Variants in PRH1 observed in about 807,000 individuals in gnomAD.
PRH1 encodes salivary acidic proline-rich phosphoprotein 1/2.
Under a neutral mutation model 7.9 loss-of-function variants are expected in PRH1, and 7 were observed. That is an observed-to-expected ratio of 0.89 (90% CI 0.50 to 1.67). The LOEUF (loss-of-function observed/expected upper bound fraction) is 1.67. PRH1 is among the 40% of genes most tolerant of loss of function. The pLI is 0.00. For missense variants in PRH1, 109 were observed against 223.6 expected (o/e 0.49, Z 3.27); for synonymous variants, 45 against 80.8 (o/e 0.56, Z 2.38).
intron 2 of PRH1, chr12:10,930,451 T>G: frequency 2.7e-6 from 4 of 1,458,114 alleles, no homozygotes; most frequent in Non-Finnish European, 3.7e-6. Flanking sequence ...CAACCTTGAT[T>G]CTGGGGACCA....
intron 1 of PRH1, among the ~76,000 whole-genome samples, chr12:10,984,187 T>C (rs1479131247): frequency 6.6e-6 from 1 of 152,280 alleles, no homozygotes; most frequent in East Asian, 1.9e-4. Context: ...TATGCAAAGA[T>C]ACCAAAATCT....
intron 2 of PRH1, among the ~76,000 whole-genome samples, chr12:10,890,385 G>GTGTGTGTGTGTGTGTGTT (rs1333715175): frequency 6.7e-6 from 1 of 148,946 alleles, no homozygotes; most frequent in African/African-American, 2.5e-5. Flanking sequence ...CCTAACTTTG[G>GTGTGTGTGTGTGTGTGTT]TGTGTGTGTG....
At chr12:10,907,738 C>A (rs1383696770) in intron 2 of PRH1, among the ~76,000 whole-genome samples, 2 of 150,648 alleles carry the variant, frequency 1.3e-5, no homozygotes, top group Non-Finnish European at 3.0e-5. Context: ...TGTGGACTAA[C>A]ATGTTGCATT....
chr12:11,079,345 T>C lies in PRH1; in HGVS notation n.124-32157A>G, dbSNP rs1172438191. On this transcript the variant is annotated intron_variant and non_coding_transcript_variant, in intron 1 of 4. Transcript: ENST00000541977. ...CTGGAGTTTCTTGCTCTTTTCCATT[T>C]ACCGTGAGGACATCATCTGGCCAAT... Among the ~76,000 whole-genome samples, 3 of 113,822 alleles carry C rather than the reference T, an allele frequency of 2.6e-5. 1 individual carries two copies. The highest frequency in any genetic ancestry group is 6.2e-5 in the Non-Finnish European group (3 of 48,376). The allele number at this position is 113,822 out of a possible 152,430, so 74.7% of individuals were successfully genotyped here. A position where few individuals can be genotyped will look rare whatever the true frequency, so the allele number is the denominator to read the frequency against.
intron 1 of PRH1, among the ~76,000 whole-genome samples, chr12:11,113,917 A>C (rs1945659759): frequency 6.6e-6 from 1 of 152,228 alleles, no homozygotes; most frequent in South Asian, 2.1e-4. Flanking sequence ...GAAGCTCATC[A>C]TCACTGCTCA....
rs975525439 is a variant in PRH1, at chr12:11,165,882, G to A, written n.39+5540C>T. Among the ~76,000 whole-genome samples the A allele has an allele frequency of 4.6e-5, 7 of 152,326 alleles. 1 individual carries two copies. Among genetic ancestry groups the A allele is most frequent in the Admixed American group, 4.6e-4 (7 of 15,306 alleles). On this transcript the variant is annotated intron_variant and non_coding_transcript_variant, in intron 1 of 1. Coordinates refer to the PRH1 transcript ENST00000541175. ...GAGTCCACACATGCACTATAGAGAAGGCTCTTTCTACACTTGTGTCCCTCT... is the reference window on the plus strand; with the variant it reads ...GAGTCCACACATGCACTATAGAGAAAGCTCTTTCTACACTTGTGTCCCTCT...
At chr12:11,166,858 G>A (rs971278829) in intron 1 of PRH1, among the ~76,000 whole-genome samples, 1 of 152,194 alleles carries the variant, frequency 6.6e-6, no homozygotes, top group Non-Finnish European at 1.5e-5. Context: ...GAGGCTCTAG[G>A]AAGGAATCCA....
chr12:11,143,482 T>A (rs777397496), intron 1 of PRH1, among the ~76,000 whole-genome samples: 1 of 151,772 alleles, frequency 6.6e-6, no homozygotes, highest in Non-Finnish European at 1.5e-5. Flanking sequence ...AGAAAACAGA[T>A]AACAAAATGG....
intron 2 of PRH1, among the ~76,000 whole-genome samples, chr12:10,903,569 T>G (rs1395884452): frequency 6.6e-6 from 1 of 151,768 alleles, no homozygotes; most frequent in Non-Finnish European, 1.5e-5. Context: ...ACAGCTAACA[T>G]TACACTGAAC....
intron 1 of PRH1, among the ~76,000 whole-genome samples, chr12:10,988,011 T>C (rs768607891): frequency 6.6e-6 from 1 of 152,084 alleles, no homozygotes; most frequent in Non-Finnish European, 1.5e-5. Flanking sequence ...TTTCCATTGA[T>C]CATGAGATTA....
At chr12:11,019,857 C>T (rs1414068497) in intron 1 of PRH1, among the ~76,000 whole-genome samples, 5 of 152,286 alleles carry the variant, frequency 3.3e-5, no homozygotes, top group Non-Finnish European at 7.3e-5. Context: ...TGGGAAGTTC[C>T]CTAACATTCT....
chr12:11,096,639 G>T lies in PRH1; in HGVS notation n.124-49451C>A, dbSNP rs1424502919. Among the ~76,000 whole-genome samples the T allele has an allele frequency of 3.5e-5, 4 of 115,162 alleles. 2 individuals are homozygous for T. The highest frequency in any genetic ancestry group is 8.2e-5 in the Non-Finnish European group (4 of 48,868). 75.6% of individuals were successfully genotyped at this position (115,162 alleles called of 152,430 possible). ...TGTCAATAGCTTTTTTTGGATAGTAGCTTATCTGTTGCTGGGTCATCACCA... is the reference window on the plus strand; with the variant it reads ...TGTCAATAGCTTTTTTTGGATAGTATCTTATCTGTTGCTGGGTCATCACCA... On this transcript the variant is annotated intron_variant and non_coding_transcript_variant, in intron 1 of 4. Transcript: ENST00000541977.
chr12:11,144,890 AGAG>A (rs1386198929), intron 1 of PRH1, among the ~76,000 whole-genome samples: 2 of 152,226 alleles, frequency 1.3e-5, no homozygotes, highest in African/African-American at 2.4e-5. Flanking sequence ...TGTGTTCAGA[AGAG>A]GAGGGTCTCC....
At chr12:10,918,886 G>A (rs140866835) in intron 2 of PRH1, among the ~76,000 whole-genome samples, 106 of 151,924 alleles carry the variant, frequency 7.0e-4, no homozygotes, top group African/African-American at 2.3e-3. Flanking sequence ...TTTTTCTACT[G>A]TTTATATTGC....
At chr12:10,920,695 A>G (rs1950034034) in intron 2 of PRH1, among the ~76,000 whole-genome samples, 1 of 152,100 alleles carries the variant, frequency 6.6e-6, no homozygotes, top group Non-Finnish European at 1.5e-5. Flanking sequence ...TACTATTAGT[A>G]TATAATTTCT....
chr12:11,054,802 T>A (rs1190784516), intron 1 of PRH1, among the ~76,000 whole-genome samples: 1 of 127,578 alleles, frequency 7.8e-6, no homozygotes, highest in Admixed American at 8.1e-5. Flanking sequence ...TTTCTTTTTT[T>A]TTTTTTTTTT....
chr12:11,048,644 G>A (rs926006382), upstream of PRH1: 13 of 593,960 alleles, frequency 2.2e-5, no homozygotes, highest in Non-Finnish European at 4.1e-5. Flanking sequence ...TTCTTGACAT[G>A]TTTACATGGA....
chr12:11,089,207 C>T (rs1344127371), intron 1 of PRH1, among the ~76,000 whole-genome samples: 1 of 115,932 alleles, frequency 8.6e-6, no homozygotes, highest in African/African-American at 2.9e-5. Context: ...GACTTGAATG[C>T]ATCACCACAC....
At chr12:11,129,098 T>C (rs1440670798) in intron 1 of PRH1, among the ~76,000 whole-genome samples, 2 of 152,224 alleles carry the variant, frequency 1.3e-5, no homozygotes, top group Admixed American at 6.5e-5. Context: ...ATTTTTAAAA[T>C]TTTTTGTAGA....
Sources: allele counts gnomAD v4.1 joint callset (sites outside exome capture counted in the v4.1 genomes callset), GRCh38; gene constraint gnomAD v4.1.1; transcripts MANE v1.5; gene names NCBI Gene and HGNC (gene_info 2026-07-23, HGNC 2026-07-21).